ZNF106: variants seen among roughly 807,000 people sequenced by gnomAD.
The protein encoded by ZNF106 is SH3-domain binding protein 3.
A neutral mutation model predicts 195.1 loss-of-function variants in ZNF106; 67 were observed. The ratio of observed to expected loss-of-function variants is 0.34; its 90% CI spans 0.28 to 0.42. The LOEUF is 0.42. Among genes scored for constraint, ZNF106 ranks in the 10% least tolerant of loss-of-function variants. The probability of loss-of-function intolerance (pLI) is 1.00; values close to 1 mark genes in which losing one functional copy is unlikely to be tolerated. For synonymous variants in ZNF106, 784 were observed against 818.6 expected (o/e 0.96, Z 0.72); for missense variants, 2,118 against 2,304.5 (o/e 0.92, Z 1.66).
At chr15:42,437,902 C>CAA (rs35756160) in intron 12 of ZNF106, among the ~76,000 whole-genome samples, 1,850 of 81,026 alleles carry the variant, frequency 0.023, 51 homozygotes, top group African/African-American at 0.078. Flanking sequence ...GACTCCGTCT[C>CAA]AAAAAAAAAA....
At chr15:42,424,476 C>T in intron 16 of ZNF106, 1 of 266,200 alleles carries the variant, frequency 3.8e-6, no homozygotes, top group Non-Finnish European at 7.1e-6. Context: ...CCATTTAAAA[C>T]CCTTCTTTGT....
chr15:42,474,252 T>C (rs1285168653), intron 1 of ZNF106, among the ~76,000 whole-genome samples: 1 of 152,230 alleles, frequency 6.6e-6, no homozygotes, highest in Non-Finnish European at 1.5e-5. Flanking sequence ...CCTGACATAG[T>C]ATGTATTTGT....
chr15:42,490,540 A>G (rs1231097219), intron 1 of ZNF106: 1 of 152,052 alleles, frequency 6.6e-6, no homozygotes, highest in Non-Finnish European at 1.5e-5. Context: ...AGTTGTTATT[A>G]TCAAGACGCA....
intron 19 of ZNF106, 79 bp from the exon 20 acceptor site, chr15:42,421,211 T>C (rs2054644987): frequency 7.7e-7 from 1 of 1,298,948 alleles, no homozygotes; most frequent in Admixed American, 1.7e-5. Context: ...AGTCACAAGC[T>C]CCTTGCAGCA....
rs1267086340 is a variant in ZNF106 at position 42,440,996 on chromosome 15, AAAATATATATATATATAT to A, written c.3763+1059_3763+1076del. Among the ~76,000 whole-genome samples, 144 of 49,388 alleles carry A rather than the reference AAAATATATATATATATAT, an allele frequency of 2.9e-3. 7 individuals carry two copies. The highest frequency in any genetic ancestry group is 0.022 in the African/African-American group (135 of 6,268). 32.4% of individuals were successfully genotyped at this position (49,388 alleles called of 152,430 possible). A position where few individuals can be genotyped will look rare whatever the true frequency, so the allele number is the denominator to read the frequency against. On this transcript the variant is annotated intron_variant, in intron 10 of 21. Transcript: ENST00000564754. The stretch of plus-strand genomic sequence containing the variant: ...CGAAACTCTGTCTAAAAAAAAAAAA[AAAATATATATATATATAT>A]ATATATATATATATATATATATATA...
chr15:42,429,885 C>T (rs73402745), intron 14 of ZNF106, among the ~76,000 whole-genome samples: 10,656 of 151,920 alleles, frequency 0.07, 914 homozygotes, highest in Admixed American at 0.16. Context: ...TAAAAGAACA[C>T]ATGTGGTACA....
intron 1 of ZNF106, among the ~76,000 whole-genome samples, chr15:42,483,953 T>C (rs1475475629): frequency 2.0e-5 from 3 of 152,178 alleles, no homozygotes; most frequent in Non-Finnish European, 2.9e-5. Context: ...TGTGCACTGC[T>C]CTTCTGAAAC....
At chr15:42,424,691 G>T in intron 16 of ZNF106, 143 bp downstream of exon 16, 1 of 757,086 alleles carries the variant, frequency 1.3e-6, no homozygotes, top group Non-Finnish European at 2.1e-6. Flanking sequence ...TGTTGCCCTG[G>T]CTGGTCTCGA....
intron 1 of ZNF106, among the ~76,000 whole-genome samples, chr15:42,476,586 CCACCAT>C (rs774536443): frequency 7.2e-5 from 11 of 152,160 alleles, no homozygotes; most frequent in Non-Finnish European, 1.2e-4. Context: ...CAGGTGTGAG[CCACCAT>C]GCCCAGCTTC....
intron 3 of ZNF106, among the ~76,000 whole-genome samples, chr15:42,458,729 AAAC>A (rs1269020628): frequency 1.3e-5 from 2 of 151,902 alleles, no homozygotes; most frequent in East Asian, 3.9e-4. Context: ...AGAAAAAAAA[AAAC>A]AACACCTTAC....
chr15:42,486,326 C>T (rs1363440343), intron 1 of ZNF106, among the ~76,000 whole-genome samples: 1 of 151,750 alleles, frequency 6.6e-6, no homozygotes. Context: ...GGGGCATGAT[C>T]ATAGCTCACT....
intron 3 of ZNF106, among the ~76,000 whole-genome samples, chr15:42,458,404 T>C (rs2056300095): frequency 6.8e-6 from 1 of 146,404 alleles, no homozygotes. Flanking sequence ...GAATATTCAT[T>C]CAAGGAAAAA....
At chr15:42,466,876 T>C (rs1047127786) in intron 2 of ZNF106, among the ~76,000 whole-genome samples, 5 of 152,176 alleles carry the variant, frequency 3.3e-5, no homozygotes, top group Non-Finnish European at 4.4e-5. Context: ...GGGTCACACC[T>C]GTAATCCCAG....
chr15:42,437,146 CA>C, intron 13 of ZNF106, 85 bp downstream of exon 13: 2 of 1,442,356 alleles, frequency 1.4e-6, no homozygotes, highest in African/African-American at 2.8e-5. Flanking sequence ...AGACAGCCAA[CA>C]AATTCCCTTT....
Position 42,437,026 on chromosome 15 carries a change from T to C in ZNF106, c.4746+206A>G, listed in dbSNP as rs1043559080. 7.2e-5 allele frequency among the ~76,000 whole-genome samples: 11 copies of C among 152,340 alleles called. No homozygotes were observed. In the East Asian group the frequency reaches 1.9e-3, roughly 27 times the overall value. On this transcript the variant is annotated intron_variant, in intron 13 of 21. Transcript: ENST00000564754. ...GGAACTAGCTTTCAGGAAGAGGTGA[T>C]ACCAGAGAAGGCAGAGTAGGGAGAC...
At chr15:42,488,040 C>T (rs2057054723) in intron 1 of ZNF106, among the ~76,000 whole-genome samples, 2 of 152,138 alleles carry the variant, frequency 1.3e-5, no homozygotes, top group Admixed American at 1.3e-4. Flanking sequence ...ACATGTAAGA[C>T]CTAATACAAT....
chr15:42,417,492 T>C (rs2054502634), intron 21 of ZNF106, 132 bp from the exon 22 acceptor site: 1 of 1,031,148 alleles, frequency 9.7e-7, no homozygotes. Context: ...GAGCCAGCAC[T>C]TTGCTAACTT....
chr15:42,446,288 G>T (rs1402131575), intron 7 of ZNF106, among the ~76,000 whole-genome samples: 1 of 152,182 alleles, frequency 6.6e-6, no homozygotes, highest in Non-Finnish European at 1.5e-5. Context: ...ACTGCTACAA[G>T]AACCTCTTGG....
chr15:42,423,874 G>T, intron 17 of ZNF106, 124 bp downstream of exon 17: 1 of 846,586 alleles, frequency 1.2e-6, no homozygotes, highest in Non-Finnish European at 1.8e-6. Flanking sequence ...TATGCACAGG[G>T]ATGATTACGA....
Sources: gnomAD v4.1 joint callset for allele counts (sites outside exome capture counted in the v4.1 genomes callset) on GRCh38, gnomAD v4.1.1 for gene constraint, MANE v1.5 for transcripts, NCBI Gene and HGNC (gene_info 2026-07-23, HGNC 2026-07-21) for gene names.